Variants in SLC4A7 observed in about 807,000 individuals in gnomAD.
The protein encoded by SLC4A7 is solute carrier family 4 member 7.
A neutral mutation model predicts 137.6 loss-of-function variants in SLC4A7; 51 were observed. That is an observed-to-expected ratio of 0.37 (90% CI 0.30 to 0.47). The LOEUF is 0.47. SLC4A7 is among the 20% of genes least tolerant of loss of function. The pLI, the probability that SLC4A7 is intolerant of heterozygous loss-of-function variation, is 1.00. For synonymous variants in SLC4A7, 542 were observed against 518.6 expected, an observed-to-expected ratio of 1.05 and a Z score of -0.61; for missense variants, 1,247 against 1,525.4, an observed-to-expected ratio of 0.82 and a Z score of 3.04.
intron 24 of SLC4A7, among the ~76,000 whole-genome samples, chr3:27,382,893 T>C (rs959590937): frequency 1.3e-5 from 2 of 152,224 alleles, no homozygotes; most frequent in African/African-American, 2.4e-5. Context: ...GATGGAGTGA[T>C]AGAAGACAAG....
At chr3:27,434,915 C>G (rs1220130423) in intron 5 of SLC4A7, among the ~76,000 whole-genome samples, 2 of 152,122 alleles carry the variant, frequency 1.3e-5, no homozygotes, top group Non-Finnish European at 2.9e-5. Context: ...CAAATGAACA[C>G]TAGATTATAC....
At chr3:27,440,302 G>A (rs988683281) in intron 3 of SLC4A7, among the ~76,000 whole-genome samples, 1 of 152,068 alleles carries the variant, frequency 6.6e-6, no homozygotes, top group Non-Finnish European at 1.5e-5. Context: ...ATCCCTTCCT[G>A]ACGTCACTGT....
chr3:27,421,779 C>T lies in SLC4A7; in HGVS notation c.1267G>A (p.Val423Ile). 1 of 1,605,644 alleles carries T rather than the reference C, an allele frequency of 6.2e-7. No individual in the cohort carries two copies. Among genetic ancestry groups the T allele is most frequent in the Non-Finnish European group, 8.5e-7 (1 of 1,174,344 alleles). Reference sequence around the variant, plus strand: ...ATTTTTCTCATGAAATTCATATCAACCTATTGACAAATAAATAATTAAAAA... The same window carrying T: ...ATTTTTCTCATGAAATTCATATCAATCTATTGACAAATAAATAATTAAAAA... ...RENSTVDFSK[V>I]DMNFMRKIPT... The change falls in exon 9 of 26, where the codon GTT becomes ATT. Residue 423 changes from valine to isoleucine, a missense_variant and splice_region_variant. Val to Ile is a conservative substitution (Grantham distance 29). Transcript: ENST00000454389.
Position 27,444,677 on chromosome 3 carries a change from T to C in SLC4A7, c.289+3974A>G, listed in dbSNP as rs1392039276. ...ATTTGGGGCTTCCTCCTATTTTCAA[T>C]AGCTCTCTTTAACAGTCATATTCTT... On this transcript the variant is annotated intron_variant, in intron 3 of 25. Transcript: ENST00000454389. 2.6e-5 allele frequency among the ~76,000 whole-genome samples: 4 copies of C among 152,242 alleles called. No homozygotes were observed. The East Asian group carries it at 7.7e-4, about 29-fold the overall frequency.
At chr3:27,426,827 A>T (rs1057186536) in intron 7 of SLC4A7, among the ~76,000 whole-genome samples, 1 of 152,168 alleles carries the variant, frequency 6.6e-6, no homozygotes, top group Non-Finnish European at 1.5e-5. Context: ...CTGTTTTCTC[A>T]ATCAGTAAAG....
chr3:27,438,926 C>T (rs2056974117), intron 3 of SLC4A7, among the ~76,000 whole-genome samples: 1 of 152,136 alleles, frequency 6.6e-6, no homozygotes, highest in Non-Finnish European at 1.5e-5. Context: ...ACAGATAACC[C>T]ACTCATGGCG....
Position 27,373,892 on chromosome 3 carries a change from T to C in SLC4A7, c.*2872A>G, listed in dbSNP as rs2049728135. 6.6e-6 allele frequency: 1 copy of C among 152,552 alleles called. No individual in the cohort carries two copies. Among genetic ancestry groups the C allele is most frequent in the East Asian group, 1.9e-4 (1 of 5,204 alleles). The allele number at this position is 152,552 out of a possible 1,614,324, so 9.4% of individuals were successfully genotyped here. A position where few individuals can be genotyped will look rare whatever the true frequency, so the allele number is the denominator to read the frequency against. ...ATCTTTACAGAAGACTTGGCAAATATGAACAATGGGATGCCACAGCTTTTT... is the reference window on the plus strand; with the variant it reads ...ATCTTTACAGAAGACTTGGCAAATACGAACAATGGGATGCCACAGCTTTTT... On this transcript the variant is annotated 3_prime_UTR_variant, in exon 26 of 26. Transcript: ENST00000454389.
chr3:27,479,551 GGAA>G (rs1480886001), intron 1 of SLC4A7, among the ~76,000 whole-genome samples: 3 of 152,180 alleles, frequency 2.0e-5, no homozygotes, highest in Non-Finnish European at 4.4e-5. Context: ...TCTGCCTTAA[GGAA>G]GATTGTCAAC....
At position 27,439,052 on chromosome 3, in the gene SLC4A7, AAC is replaced by A. The variant is rs772850525; in HGVS notation, c.290-1528_290-1527del. On this transcript the variant is annotated intron_variant, in intron 3 of 25. Coordinates refer to ENST00000454389, the MANE Select transcript of SLC4A7 (RefSeq NM_001321103.2). The stretch of plus-strand genomic sequence containing the variant: ...CCATATAAACAAATACACCACCACA[AAC>A]AGTTACCCTGAATATGAGAGATGAG... Among the ~76,000 whole-genome samples the A allele has an allele frequency of 1.3e-5, 2 of 152,274 alleles. 1 individual carries two copies. Among genetic ancestry groups the A allele is most frequent in the Non-Finnish European group, 2.9e-5 (2 of 68,026 alleles).
intron 6 of SLC4A7, chr3:27,433,051 A>T (rs1031687664): frequency 2.0e-5 from 3 of 152,214 alleles, no homozygotes; most frequent in Admixed American, 2.0e-4. Flanking sequence ...GATTATTTTC[A>T]ACTTTAGAAA....
At chr3:27,483,468 G>C (rs2059802354) in intron 1 of SLC4A7, among the ~76,000 whole-genome samples, 1 of 152,206 alleles carries the variant, frequency 6.6e-6, no homozygotes, top group Admixed American at 6.5e-5. Context: ...AACAGCGAAA[G>C]AGCCTTGGCC....
At chr3:27,386,083 G>C (rs899497409) in intron 22 of SLC4A7, 60 bp from the exon 23 acceptor site, 7 of 1,290,112 alleles carry the variant, frequency 5.4e-6, no homozygotes, top group Non-Finnish European at 7.5e-6. Context: ...ATCACTTAAA[G>C]AGGAAAAGCA....
At chr3:27,388,316 C>A (rs144325085) in intron 22 of SLC4A7, among the ~76,000 whole-genome samples, 2 of 152,242 alleles carry the variant, frequency 1.3e-5, no homozygotes, top group South Asian at 4.1e-4. Context: ...CAGCATAAAT[C>A]TTTTGTGCAA....
At chr3:27,409,256 G>A (rs2053678666) in intron 13 of SLC4A7, 100 bp downstream of exon 13, 1 of 941,424 alleles carries the variant, frequency 1.1e-6, no homozygotes, top group Non-Finnish European at 1.6e-6. Flanking sequence ...CATGCTGTGG[G>A]TAGACTCTTC....
At chr3:27,433,627 G>A (rs541116199) in intron 6 of SLC4A7, among the ~76,000 whole-genome samples, 75 of 151,504 alleles carry the variant, frequency 5.0e-4, no homozygotes, top group African/African-American at 1.8e-3. Flanking sequence ...GTTTATACCA[G>A]CAAATCAAGT....
intron 6 of SLC4A7, 134 bp downstream of exon 6, chr3:27,433,782 C>G (rs1215633752): frequency 2.9e-6 from 2 of 693,146 alleles, no homozygotes; most frequent in Non-Finnish European, 4.9e-6. Flanking sequence ...TGAAAAGAAA[C>G]AAAGCAGGAA....
intron 4 of SLC4A7, among the ~76,000 whole-genome samples, 165 bp downstream of exon 4, chr3:27,437,223 C>T (rs572615653): frequency 8.6e-5 from 13 of 152,034 alleles, no homozygotes; most frequent in South Asian, 2.1e-4. Flanking sequence ...TGGTGGCGGG[C>T]GCCTGCAATG....
In SLC4A7 at chr3:27,448,634, G is replaced by T. The variant is rs756244634; in HGVS notation, c.289+17C>A. Reference sequence around the variant, plus strand: ...ATAGGAACTTTAAACTGCTAAAGAAGAACTGTTTTCTCTTACCATAAGAAG... The same window carrying T: ...ATAGGAACTTTAAACTGCTAAAGAATAACTGTTTTCTCTTACCATAAGAAG... On this transcript the variant is annotated intron_variant, in intron 3 of 25. Transcript: ENST00000454389. 6.3e-7 allele frequency: 1 copy of T among 1,595,934 alleles called. No individual in the cohort carries two copies. The highest frequency in any genetic ancestry group is 1.1e-5 in the South Asian group (1 of 89,610).
At chr3:27,400,901 GATC>G (rs767129631) in intron 15 of SLC4A7, 32 bp from the exon 16 acceptor site, 1 of 1,190,556 alleles carries the variant, frequency 8.4e-7, no homozygotes, top group Non-Finnish European at 1.2e-6. Context: ...CATTTTTAAG[GATC>G]CTGAATTTCA....
Sources: allele counts gnomAD v4.1 joint callset (sites outside exome capture counted in the v4.1 genomes callset), GRCh38; gene constraint gnomAD v4.1.1; transcripts MANE v1.5; gene names NCBI Gene and HGNC (gene_info 2026-07-23, HGNC 2026-07-21).